The following SRBD1 variants were observed in gnomAD, a reference collection of about 807,000 sequenced individuals.
SRBD1 encodes S1 RNA-binding domain-containing protein 1.
Under a neutral mutation model 115.3 loss-of-function variants are expected in SRBD1, and 88 were observed. The observed-to-expected ratio is 0.76, with a 90% CI of 0.64 to 0.91. The LOEUF (loss-of-function observed/expected upper bound fraction) is 0.91. SRBD1 is among the 40% of genes least tolerant of loss of function. The pLI, the probability that SRBD1 is intolerant of heterozygous loss-of-function variation, is 0.00. For missense variants in SRBD1, 1,385 were observed against 1,177.4 expected (o/e 1.18, Z -2.58); for synonymous variants, 509 against 407.7 (o/e 1.25, Z -2.99).
chr2:45,599,955 A>C, intron 3 of SRBD1, 120 bp from the exon 4 acceptor site: 109 of 1,186,062 alleles, frequency 9.2e-5, no homozygotes, highest in Middle Eastern at 2.9e-4. Flanking sequence ...GAAGAATCTC[A>C]AGTAAATTAT....
chr2:45,556,448 CTTTTTTTTTTTTTTTT>C (rs59284495), intron 10 of SRBD1, among the ~76,000 whole-genome samples: 1 of 78,822 alleles, frequency 1.3e-5, no homozygotes, highest in African/African-American at 5.4e-5. Flanking sequence ...TGCTCTATTA[CTTTTTTTTTTTTTTTT>C]TTTTTTTTTT....
At chr2:45,455,328 CA>C (rs1482098306) in intron 16 of SRBD1, among the ~76,000 whole-genome samples, 1 of 151,846 alleles carries the variant, frequency 6.6e-6, no homozygotes, top group Non-Finnish European at 1.5e-5. Context: ...ATGTATGCAG[CA>C]TTATCATACG....
intron 9 of SRBD1, among the ~76,000 whole-genome samples, chr2:45,563,849 A>G (rs536645194): frequency 6.6e-6 from 1 of 152,220 alleles, no homozygotes; most frequent in Non-Finnish European, 1.5e-5. Flanking sequence ...AGATGGCACC[A>G]CCATTGAATT....
intron 14 of SRBD1, among the ~76,000 whole-genome samples, chr2:45,534,120 A>T (rs1671693952): frequency 6.6e-6 from 1 of 151,994 alleles, no homozygotes; most frequent in South Asian, 2.1e-4. Context: ...GATCAAAAAC[A>T]GTCAAACTGA....
intron 14 of SRBD1, among the ~76,000 whole-genome samples, chr2:45,528,820 G>A (rs939679355): frequency 2.6e-5 from 4 of 151,858 alleles, no homozygotes; most frequent in African/African-American, 7.2e-5. Flanking sequence ...AGGCTTAGAA[G>A]TACAATTACC....
At chr2:45,572,013 C>A (rs1478047529) in intron 9 of SRBD1, among the ~76,000 whole-genome samples, 1 of 152,040 alleles carries the variant, frequency 6.6e-6, no homozygotes, top group Non-Finnish European at 1.5e-5. Flanking sequence ...AAACATTAAT[C>A]TACACGTCTA....
rs1486427870 is a variant in SRBD1, at chr2:45,389,428, G to T, written c.2870C>A (p.Ser957Ter). The change falls in exon 21 of 21, where the codon TCA becomes TAA. Residue 957 changes from serine to a stop codon, truncating the protein, a stop_gained. Coordinates refer to ENST00000263736, the MANE Select transcript of SRBD1 (RefSeq NM_018079.5). LOFTEE classifies it high-confidence loss of function. ...PIRNVTEAKL[S>*]KTKKRRSLGL... ...AAGGCTTCTTCTCTTCTTTGTTTTT[G>T]AAAGTTTTGCTTCTGTTACATTTCG... is the stretch of plus-strand genomic sequence containing the variant. 1 of 1,613,816 alleles carries T rather than the reference G, an allele frequency of 6.2e-7. No individual in the cohort carries two copies. Among genetic ancestry groups the T allele is most frequent in the Non-Finnish European group, 8.5e-7 (1 of 1,179,944 alleles).
At chr2:45,459,040 T>A (rs539266302) in intron 16 of SRBD1, among the ~76,000 whole-genome samples, 2 of 152,164 alleles carry the variant, frequency 1.3e-5, no homozygotes, top group South Asian at 4.1e-4. Context: ...GATAACCAGA[T>A]CATGCATCCC....
At chr2:45,404,688 C>T (rs749026307) in intron 19 of SRBD1, among the ~76,000 whole-genome samples, 18 of 152,244 alleles carry the variant, frequency 1.2e-4, no homozygotes, top group Admixed American at 2.0e-4. Context: ...CTGCTTCTAC[C>T]ACTGCCCCTT....
intron 16 of SRBD1, among the ~76,000 whole-genome samples, chr2:45,442,639 G>C (rs1668704415): frequency 1.3e-5 from 2 of 152,194 alleles, no homozygotes; most frequent in East Asian, 3.8e-4. Flanking sequence ...AGCTATATGA[G>C]CAAGATCAGG....
chr2:45,523,033 C>T (rs1250506852), intron 14 of SRBD1, among the ~76,000 whole-genome samples: 1 of 151,692 alleles, frequency 6.6e-6, no homozygotes, highest in Non-Finnish European at 1.5e-5. Context: ...CTTCTGGTCC[C>T]AAGCATGTGA....
chr2:45,506,273 T>C (rs571307925), intron 14 of SRBD1, among the ~76,000 whole-genome samples: 10 of 152,174 alleles, frequency 6.6e-5, no homozygotes, highest in African/African-American at 1.9e-4. Context: ...TTATTCTCTA[T>C]TGGAATACAC....
At chr2:45,529,244 C>G (rs1358204151) in intron 14 of SRBD1, among the ~76,000 whole-genome samples, 1 of 151,756 alleles carries the variant, frequency 6.6e-6, no homozygotes, top group Admixed American at 6.6e-5. Context: ...TTCAATAAGA[C>G]AGATACATTT....
intron 14 of SRBD1, among the ~76,000 whole-genome samples, chr2:45,505,020 T>C (rs1311223255): frequency 1.3e-5 from 2 of 151,964 alleles, no homozygotes; most frequent in Non-Finnish European, 2.9e-5. Context: ...TCACACCAAA[T>C]AGGTGCAAAG....
At chr2:45,610,497 A>T (rs919362939) in intron 1 of SRBD1, among the ~76,000 whole-genome samples, 2 of 152,366 alleles carry the variant, frequency 1.3e-5, no homozygotes, top group South Asian at 4.1e-4. Flanking sequence ...TCAAAGGGGA[A>T]AGATATGTGG....
intron 14 of SRBD1, among the ~76,000 whole-genome samples, chr2:45,516,404 C>T (rs1671119677): frequency 6.6e-6 from 1 of 152,120 alleles, no homozygotes; most frequent in Admixed American, 6.5e-5. Context: ...CAATAAGATA[C>T]TATTCGGCCA....
At chr2:45,536,619 G>A (rs1262401807) in intron 14 of SRBD1, among the ~76,000 whole-genome samples, 1 of 152,088 alleles carries the variant, frequency 6.6e-6, no homozygotes, top group Non-Finnish European at 1.5e-5. Flanking sequence ...TTGAGATTGG[G>A]AAAATTCTAT....
intron 12 of SRBD1, among the ~76,000 whole-genome samples, chr2:45,550,112 T>C (rs1672249581): frequency 6.6e-6 from 1 of 152,078 alleles, no homozygotes; most frequent in Non-Finnish European, 1.5e-5. Flanking sequence ...CAAATGGAAA[T>C]TCTAAAACTG....
chr2:45,517,854 A>G (rs1671167629), intron 14 of SRBD1, among the ~76,000 whole-genome samples: 1 of 151,694 alleles, frequency 6.6e-6, no homozygotes, highest in Admixed American at 6.6e-5. Flanking sequence ...TTTTTTAATT[A>G]GCTAGATCTG....
Sources: gnomAD v4.1 joint callset for allele counts (sites outside exome capture counted in the v4.1 genomes callset) on GRCh38, gnomAD v4.1.1 for gene constraint, MANE v1.5 for transcripts, NCBI Gene and HGNC (gene_info 2026-07-23, HGNC 2026-07-21) for gene names.